Variants in DNAH9 observed in about 807,000 individuals in gnomAD.
DNAH9 encodes the protein dynein axonemal heavy chain 9.
In DNAH9, 345 loss-of-function variants were observed where a neutral mutation model predicts 471.6. The observed-to-expected ratio is 0.73, with a 90% CI of 0.67 to 0.80. The LOEUF is 0.80. Among genes scored for constraint, DNAH9 ranks in the 30% least tolerant of loss-of-function variants. The probability of loss-of-function intolerance (pLI) is 0.00; values close to 1 mark genes in which losing one functional copy is unlikely to be tolerated. For missense variants in DNAH9, 5,407 were observed against 5,609.2 expected (o/e 0.96, Z 1.15); for synonymous variants, 2,093 against 2,123.6 (o/e 0.99, Z 0.40).
intron 67 of DNAH9, among the ~76,000 whole-genome samples, chr17:11,960,861 G>A (rs78782020): frequency 3.1e-4 from 47 of 152,250 alleles, no homozygotes; most frequent in Non-Finnish European, 6.0e-4. Context: ...GCCCTACGGA[G>A]GTGAGAACAT....
At position 11,962,428 on chromosome 17, in the gene DNAH9, C is replaced by T. The variant is rs1000262156; in HGVS notation, c.13233+172C>T. Among the ~76,000 whole-genome samples, 13 of 152,292 alleles carry T rather than the reference C, an allele frequency of 8.5e-5. No homozygotes were observed. The highest frequency in any genetic ancestry group is 1.7e-4 in the African/African-American group (7 of 41,558). The stretch of plus-strand genomic sequence containing the variant: ...ATTTAGCCAGGGGTGGTGCAAAGAG[C>T]GTAAGTTTTGCAGAGGCAGTAGAGT... On this transcript the variant is annotated intron_variant, in intron 68 of 68. Transcript: ENST00000262442. This position sits in a 1 kb window ranked among gnomAD's most constrained non-coding sequence, Gnocchi z 4.1.
chr17:11,641,501 G>A (rs185692761), intron 10 of DNAH9, among the ~76,000 whole-genome samples: 275 of 152,204 alleles, frequency 1.8e-3, no homozygotes, highest in African/African-American at 5.8e-3. Flanking sequence ...AGAAATGGAG[G>A]AAATGAAGAG....
At chr17:11,784,567 AG>A in intron 41 of DNAH9, 28 bp downstream of exon 41, 1 of 1,613,842 alleles carries the variant, frequency 6.2e-7, no homozygotes, top group South Asian at 1.1e-5. Flanking sequence ...GAGACACCCT[AG>A]GGGCTTAGTG....
At chr17:11,849,993 G>C (rs1336226968) in intron 49 of DNAH9, among the ~76,000 whole-genome samples, 2 of 152,200 alleles carry the variant, frequency 1.3e-5, no homozygotes, top group Admixed American at 6.5e-5. Flanking sequence ...ACATCCATGA[G>C]GGAAGATCCC....
intron 61 of DNAH9, among the ~76,000 whole-genome samples, chr17:11,912,034 G>A (rs1034081110): frequency 2.0e-5 from 3 of 150,522 alleles, no homozygotes. Context: ...TCTTTTTTTT[G>A]TTGAGATGGA....
intron 27 of DNAH9, among the ~76,000 whole-genome samples, chr17:11,723,773 T>A (rs1161307331): frequency 6.6e-6 from 1 of 152,110 alleles, no homozygotes; most frequent in East Asian, 1.9e-4. Flanking sequence ...GTTCACGTCA[T>A]TCTCCTGCCT....
chr17:11,727,736 A>AC, intron 27 of DNAH9, 82 bp from the exon 28 acceptor site: 1 of 897,500 alleles, frequency 1.1e-6, no homozygotes, highest in Non-Finnish European at 1.9e-6. Context: ...AGTATCTATA[A>AC]TAAAGGGGAT....
At chr17:11,617,969 G>A (rs1192004923) in intron 5 of DNAH9, among the ~76,000 whole-genome samples, 1 of 152,218 alleles carries the variant, frequency 6.6e-6, no homozygotes, top group Non-Finnish European at 1.5e-5. Flanking sequence ...ATGTCAGGTA[G>A]AGTCAGGCGA....
chr17:11,649,255 T>G (rs1037780182), intron 12 of DNAH9, among the ~76,000 whole-genome samples: 1 of 152,180 alleles, frequency 6.6e-6, no homozygotes, highest in East Asian at 1.9e-4. Flanking sequence ...TTTATGTAAA[T>G]CATTTAAATT....
At chr17:11,854,964 C>T (rs1345038420) in intron 50 of DNAH9, among the ~76,000 whole-genome samples, 2 of 152,196 alleles carry the variant, frequency 1.3e-5, no homozygotes, top group Non-Finnish European at 2.9e-5. Flanking sequence ...GTTATTATGT[C>T]TGCTTCACCC....
intron 12 of DNAH9, among the ~76,000 whole-genome samples, chr17:11,648,752 T>C (rs893406151): frequency 1.1e-4 from 16 of 152,114 alleles, no homozygotes; most frequent in African/African-American, 3.1e-4. Context: ...GGGGGACAAC[T>C]ACAAGCTTAA....
rs543875363 is a variant in DNAH9, at chr17:11,942,845, T to C, written c.12843+360T>C. On this transcript the variant is annotated intron_variant, in intron 67 of 68. Coordinates refer to ENST00000262442, the MANE Select transcript of DNAH9 (RefSeq NM_001372.4). The stretch of plus-strand genomic sequence containing the variant: ...CAGGAAATGGAAGCTCTTGCTGCCT[T>C]TGAGGAGCTGAGGAAGGTGACTGCT... Among the ~76,000 whole-genome samples the C allele has an allele frequency of 5.3e-5, 8 of 152,236 alleles. No homozygotes were observed. The South Asian group carries it at 1.7e-3, about 32-fold the overall frequency.
At chr17:11,909,464 C>T (rs1973717326) in intron 61 of DNAH9, among the ~76,000 whole-genome samples, 1 of 152,162 alleles carries the variant, frequency 6.6e-6, no homozygotes, top group South Asian at 2.1e-4. Context: ...GTCTCCCCTG[C>T]CTTGCCTTGT....
At chr17:11,745,847 C>T (rs2075515315) in intron 31 of DNAH9, among the ~76,000 whole-genome samples, 2 of 152,038 alleles carry the variant, frequency 1.3e-5, no homozygotes, top group Admixed American at 6.6e-5. Context: ...AAGTTATAAG[C>T]AGTATTATGT....
chr17:11,695,703 A>G (rs1456103084), intron 22 of DNAH9, among the ~76,000 whole-genome samples: 2 of 152,220 alleles, frequency 1.3e-5, no homozygotes, highest in Non-Finnish European at 2.9e-5. Flanking sequence ...CGAAGTACAG[A>G]TTCCTCGGTC....
chr17:11,729,229 C>A (rs1366970080), intron 28 of DNAH9, among the ~76,000 whole-genome samples: 1 of 152,140 alleles, frequency 6.6e-6, no homozygotes, highest in Non-Finnish European at 1.5e-5. Flanking sequence ...CCCCAGGAAC[C>A]CCATCTCCAA....
At chr17:11,734,832 T>A (rs979086013) in intron 28 of DNAH9, among the ~76,000 whole-genome samples, 2 of 152,214 alleles carry the variant, frequency 1.3e-5, no homozygotes, top group East Asian at 1.9e-4. Flanking sequence ...TCTTTGAGTC[T>A]GTTCAACACC....
chr17:11,598,774 G>A lies in DNAH9; in HGVS notation c.276G>A (p.Glu92=), dbSNP rs1201128803. The change falls in exon 1 of 69, where the codon GAG becomes GAA. Residue 92 remains glutamate (E), a synonymous_variant. Transcript: ENST00000262442. ...AIRPGLEVGP[E]SGLAGAKALF... ...GCCCCGGGCTGGAGGTGGGACCTGA[G>A]TCGGGCCTGGCTGGCGCTAAGGCGC... The A allele has an allele frequency of 6.8e-7, 1 of 1,461,784 alleles. No homozygotes were observed. The highest frequency in any genetic ancestry group is 9.0e-7 in the Non-Finnish European group (1 of 1,111,454). 90.6% of individuals were successfully genotyped at this position (1,461,784 alleles called of 1,614,324 possible). A position where few individuals can be genotyped will look rare whatever the true frequency, so the allele number is the denominator to read the frequency against.
chr17:11,676,849 T>C (rs1040605265), intron 17 of DNAH9, among the ~76,000 whole-genome samples: 1 of 152,118 alleles, frequency 6.6e-6, no homozygotes, highest in African/African-American at 2.4e-5. Context: ...CCATCTTGCA[T>C]TTTAGTATGT....
Sources: allele counts gnomAD v4.1 joint callset (sites outside exome capture counted in the v4.1 genomes callset), GRCh38; gene constraint gnomAD v4.1.1; non-coding constraint Gnocchi (gnomAD v3.1); transcripts MANE v1.5; gene names NCBI Gene and HGNC (gene_info 2026-07-23, HGNC 2026-07-21).